Variants in KIAA0319 observed in about 807,000 individuals in gnomAD.
The protein encoded by KIAA0319 is dyslexia-associated protein KIAA0319.
In KIAA0319, 83 loss-of-function variants were observed where a neutral mutation model predicts 108.4. The observed-to-expected ratio is 0.77, with a 90% CI of 0.64 to 0.92. The LOEUF is 0.92. KIAA0319 is among the 40% of genes least tolerant of loss of function. The pLI is 0.00. For missense variants in KIAA0319, 1,195 were observed against 1,322.4 expected, an observed-to-expected ratio of 0.90 and a Z score of 1.49; for synonymous variants, 484 against 510.4, an observed-to-expected ratio of 0.95 and a Z score of 0.70.
intron 17 of KIAA0319, among the ~76,000 whole-genome samples, chr6:24,557,451 C>T (rs1217077181): frequency 6.6e-6 from 1 of 152,106 alleles, no homozygotes; most frequent in Non-Finnish European, 1.5e-5. Context: ...TGCAGTGAGC[C>T]GAGATCACAC....
chr6:24,562,976 C>G (rs1013675592), intron 16 of KIAA0319, among the ~76,000 whole-genome samples: 43 of 152,176 alleles, frequency 2.8e-4, no homozygotes, highest in African/African-American at 1.0e-3. Flanking sequence ...ATCAGTGATC[C>G]TTTCACATTG....
At position 24,564,209 on chromosome 6, in the gene KIAA0319, C is replaced by T; in HGVS notation, c.2424G>A (p.Val808=). ...CAGAGCCCAGGAACTCACCTGGCTG[C>T]ACTTCCACAGTGGCAGTGTCTGTGT... The part of the protein sequence containing the change: ...ASDTDTATVE[V]QPDPRKSGLV... Residue 808 remains valine, a synonymous_variant, in exon 15 of 21, where the codon GTG becomes GTA. Coordinates refer to ENST00000378214, the MANE Select transcript of KIAA0319 (RefSeq NM_014809.4). 6.2e-7 allele frequency: 1 copy of T among 1,614,096 alleles called. No individual in the cohort carries two copies.
intron 1 of KIAA0319, among the ~76,000 whole-genome samples, chr6:24,643,241 A>AAAC (rs1777193684): frequency 3.3e-5 from 5 of 152,232 alleles, no homozygotes; most frequent in Admixed American, 2.6e-4. Context: ...TGTTTAATAC[A>AAAC]AATAAATGAG....
chr6:24,580,905 C>A (rs772994410), intron 7 of KIAA0319, 21 bp downstream of exon 7: 2 of 1,523,996 alleles, frequency 1.3e-6, no homozygotes, highest in Non-Finnish European at 1.8e-6. Context: ...AACAGGAGGT[C>A]ATTCTCTTAC....
At chr6:24,615,298 C>T (rs1038950401) in intron 1 of KIAA0319, among the ~76,000 whole-genome samples, 5 of 152,046 alleles carry the variant, frequency 3.3e-5, no homozygotes, top group Non-Finnish European at 2.9e-5. Flanking sequence ...TTCTATGCAG[C>T]TCTATATACA....
chr6:24,628,614 C>T (rs1194316459), intron 1 of KIAA0319, among the ~76,000 whole-genome samples: 1 of 152,020 alleles, frequency 6.6e-6, no homozygotes, highest in Non-Finnish European at 1.5e-5. Context: ...AACTAAGCAC[C>T]GGAAAACAAC....
intron 10 of KIAA0319, among the ~76,000 whole-genome samples, chr6:24,573,986 G>C (rs1765110557): frequency 6.6e-6 from 1 of 151,970 alleles, no homozygotes; most frequent in South Asian, 2.1e-4. Context: ...GTGGTGGCAG[G>C]CACCTGTAAT....
rs1450099238 is a variant in KIAA0319 at position 24,599,341 on chromosome 6, C to T, written c.55+1708G>A. ...GAGGGCCTCAAAGGCTAGAGGGCTT[C>T]CCTAGAGGCCACCATTGTGGATGCG... On this transcript the variant is annotated intron_variant, in intron 2 of 20. Transcript: ENST00000378214. This position sits in a 1 kb window ranked among gnomAD's most constrained non-coding sequence, Gnocchi z 4.1. The T allele has an allele frequency of 3.9e-6, 2 of 515,090 alleles. No individual in the cohort carries two copies. The highest frequency in any genetic ancestry group is 8.6e-5 in the East Asian group (2 of 23,146). The allele number at this position is 515,090 out of a possible 1,614,324, so 31.9% of individuals were successfully genotyped here.
intron 8 of KIAA0319, among the ~76,000 whole-genome samples, chr6:24,579,412 G>GATATATATATATATATATCATATAT (rs1766047848): frequency 4.7e-5 from 6 of 127,094 alleles, no homozygotes; most frequent in Admixed American, 1.6e-4. Context: ...TCTATATAAA[G>GATATATATATATATATATCATATAT]ATATATATAT....
chr6:24,551,457 C>A lies in KIAA0319; in HGVS notation c.3017G>T (p.Arg1006Ile), dbSNP rs1467932870. The change falls in exon 20 of 21, where the codon AGA becomes ATA. Residue 1006 changes from arginine to isoleucine, a missense_variant. Arg to Ile is a moderately conservative substitution (Grantham distance 97). Coordinates refer to ENST00000378214, the MANE Select transcript of KIAA0319 (RefSeq NM_014809.4). ...TILDNMDEQE[R>I]MELRPKYGIK... ...ACCATATTTGGGCCTCAGTTCCATTCTTTCCTGTTCATCCATGTTATCCAG... is the reference window on the plus strand; with the variant it reads ...ACCATATTTGGGCCTCAGTTCCATTATTTCCTGTTCATCCATGTTATCCAG... The A allele has an allele frequency of 6.2e-7, 1 of 1,611,920 alleles. No homozygotes were observed. Among genetic ancestry groups the A allele is most frequent in the Non-Finnish European group, 8.5e-7 (1 of 1,178,058 alleles).
At position 24,578,210 on chromosome 6, in the gene KIAA0319, G is replaced by A. The variant is rs781339357; in HGVS notation, c.1405C>T (p.His469Tyr). 1 of 1,605,206 alleles carries A rather than the reference G, an allele frequency of 6.2e-7. No homozygotes were observed. The highest frequency in any genetic ancestry group is 8.5e-7 in the Non-Finnish European group (1 of 1,172,258). The change falls in exon 9 of 21, where the codon CAT becomes TAT. Residue 469 changes from histidine (H) to tyrosine (Y), a missense_variant. By Grantham distance (83) the His-to-Tyr change is moderately conservative (BLOSUM62 2). Coordinates refer to ENST00000378214, the MANE Select transcript of KIAA0319 (RefSeq NM_014809.4). ...STDDTEIVSY[H>Y]WEEINGPFIE... ...AAGGGCCCGTTTATTTCTTCCCAAT[G>A]ATAACTCACTATTTCAGTATCATCT...
intron 1 of KIAA0319, among the ~76,000 whole-genome samples, chr6:24,608,213 T>A (rs1323374684): frequency 1.3e-5 from 2 of 151,346 alleles, no homozygotes; most frequent in East Asian, 1.9e-4. Context: ...GAGGAAAAAA[T>A]AAATAAATAA....
chr6:24,627,466 C>CCT (rs1554181678), intron 1 of KIAA0319, among the ~76,000 whole-genome samples: 3 of 151,506 alleles, frequency 2.0e-5, no homozygotes, highest in Non-Finnish European at 4.4e-5. Context: ...TTCCTTCTTT[C>CCT]CTTTTTTTCC....
chr6:24,637,833 A>G (rs1014545008), intron 1 of KIAA0319, among the ~76,000 whole-genome samples: 1 of 152,138 alleles, frequency 6.6e-6, no homozygotes, highest in Non-Finnish European at 1.5e-5. Context: ...TAAAAAAAAA[A>G]AAAATCTCTC....
chr6:24,566,605 C>G lies in KIAA0319; in HGVS notation c.2284G>C (p.Ala762Pro). Residue 762 changes from alanine to proline, a missense_variant, in exon 14 of 21, where the codon GCA (alanine) becomes CCA (proline). Transcript: ENST00000378214. ...TCTCTCTCAGTACTCACTCCAGCTG[C>G]TGGACTCTGGCCATCCCGGATCCAC... Reference protein sequence around the residue: ...YLWIRDGQSPAAGDVIDGSDH... With the variant: ...YLWIRDGQSPPAGDVIDGSDH... The G allele has an allele frequency of 6.2e-7, 1 of 1,609,680 alleles. No individual in the cohort carries two copies. Among genetic ancestry groups the G allele is most frequent in the South Asian group, 1.1e-5 (1 of 89,986 alleles).
intron 11 of KIAA0319, 77 bp downstream of exon 11, chr6:24,572,498 G>T: frequency 6.6e-7 from 1 of 1,514,384 alleles, no homozygotes; most frequent in Non-Finnish European, 8.9e-7. Context: ...ACCAAGTGTG[G>T]CATCTCCAAA....
At chr6:24,595,488 A>G (rs538919323) in intron 3 of KIAA0319, among the ~76,000 whole-genome samples, 187 of 136,560 alleles carry the variant, frequency 1.4e-3, no homozygotes, top group African/African-American at 5.1e-3. Context: ...TGGAGCTTGC[A>G]GTGAGCTGAG....
chr6:24,608,758 G>A (rs867463025), intron 1 of KIAA0319, among the ~76,000 whole-genome samples: 23 of 151,518 alleles, frequency 1.5e-4, no homozygotes, highest in East Asian at 3.9e-4. Context: ...GTGAAACCCC[G>A]TCTCTACTAA....
chr6:24,590,556 A>G (rs939558076), intron 3 of KIAA0319, among the ~76,000 whole-genome samples: 12 of 152,202 alleles, frequency 7.9e-5, no homozygotes, highest in Non-Finnish European at 1.2e-4. Flanking sequence ...GGTGTCCATA[A>G]CATTTTATAC....
Sources: allele counts gnomAD v4.1 joint callset (sites outside exome capture counted in the v4.1 genomes callset), GRCh38; gene constraint gnomAD v4.1.1; non-coding constraint Gnocchi (gnomAD v3.1); transcripts MANE v1.5; gene names NCBI Gene and HGNC (gene_info 2026-07-23, HGNC 2026-07-21).